PLEKHA8: variants seen among roughly 807,000 people sequenced by gnomAD.
The protein encoded by PLEKHA8 is pleckstrin homology domain containing A8.
A neutral mutation model predicts 68.2 loss-of-function variants in PLEKHA8; 36 were observed. The observed-to-expected ratio is 0.53, with a 90% CI of 0.40 to 0.70. The LOEUF (loss-of-function observed/expected upper bound fraction) is 0.70. Among genes scored for constraint, PLEKHA8 ranks in the 30% least tolerant of loss-of-function variants. The pLI, the probability that PLEKHA8 is intolerant of heterozygous loss-of-function variation, is 0.00. For synonymous variants in PLEKHA8, 211 were observed against 216.1 expected, an observed-to-expected ratio of 0.98 and a Z score of 0.20; for missense variants, 505 against 615.4, an observed-to-expected ratio of 0.82 and a Z score of 1.90.
intron 6 of PLEKHA8, 69 bp from the exon 7 acceptor site, chr7:30,052,640 C>CAAAAAAAAAAAA (rs75714651): frequency 2.4e-5 from 26 of 1,066,956 alleles, no homozygotes; most frequent in African/African-American, 1.5e-4. Flanking sequence ...GACCCTGTTT[C>CAAAAAAAAAAAA]AAAAAAAAAA....
At chr7:30,108,553 T>A (rs1193813418) in intron 13 of PLEKHA8, among the ~76,000 whole-genome samples, 1 of 152,206 alleles carries the variant, frequency 6.6e-6, no homozygotes, top group Non-Finnish European at 1.5e-5. Flanking sequence ...CAATTCAAGT[T>A]ATAAATCTAA....
chr7:30,102,602 A>T (rs1795892764), intron 13 of PLEKHA8, among the ~76,000 whole-genome samples: 1 of 152,264 alleles, frequency 6.6e-6, no homozygotes, highest in South Asian at 2.1e-4. Flanking sequence ...TAGGAAAGGA[A>T]TCAGGATCTG....
chr7:30,078,411 G>C (rs903678435), intron 13 of PLEKHA8, among the ~76,000 whole-genome samples, 179 bp from the exon 14 acceptor site: 1 of 152,128 alleles, frequency 6.6e-6, no homozygotes, highest in Admixed American at 6.5e-5. Flanking sequence ...ATTTGAATTG[G>C]CCCTTGAAAC....
intron 13 of PLEKHA8, among the ~76,000 whole-genome samples, chr7:30,122,884 G>A (rs187463021): frequency 6.6e-6 from 1 of 152,302 alleles, no homozygotes; most frequent in African/African-American, 2.4e-5. Flanking sequence ...GAGGAGGGGT[G>A]GGAGAGAGAG....
At position 30,060,949 on chromosome 7, in the gene PLEKHA8, A is replaced by G. The variant is rs766388815; in HGVS notation, c.1098+7A>G. 3.1e-6 allele frequency: 5 copies of G among 1,612,800 alleles called. No individual in the cohort carries two copies. Among genetic ancestry groups the G allele is most frequent in the Non-Finnish European group, 2.5e-6 (3 of 1,179,186 alleles). ...TCTTGTTGGAAATATTAAGGTGAGC[A>G]TACTGGTTTGTCTCTGTGGAAACTT... On this transcript the variant is annotated splice_region_variant and intron_variant, in intron 10 of 13. Transcript: ENST00000449726.
intron 12 of PLEKHA8, among the ~76,000 whole-genome samples, chr7:30,065,060 C>T (rs994579952): frequency 1.3e-5 from 2 of 152,148 alleles, no homozygotes; most frequent in African/African-American, 4.8e-5. Flanking sequence ...CTCCTTTTCT[C>T]CTCAAGGTTT....
intron 1 of PLEKHA8, among the ~76,000 whole-genome samples, chr7:30,029,559 A>G (rs967491481): frequency 6.6e-6 from 1 of 152,182 alleles, no homozygotes; most frequent in Non-Finnish European, 1.5e-5. Context: ...ATTATTCAGA[A>G]CGATCATTTT....
In PLEKHA8 at chr7:30,117,966, A is replaced by T. The variant is rs1475234802; in HGVS notation, c.1363-11300A>T. Reference sequence around the variant, plus strand: ...AAACTGAGACGTGGATTCATTTCTAACAGGGACACACAAATGTCTGATGGT... The same window carrying T: ...AAACTGAGACGTGGATTCATTTCTATCAGGGACACACAAATGTCTGATGGT... On this transcript the variant is annotated intron_variant, in intron 13 of 13. Transcript: ENST00000396257. The T allele has an allele frequency of 3.9e-6, 6 of 1,529,706 alleles. No individual in the cohort carries two copies. In the East Asian group the frequency reaches 1.5e-4, roughly 38 times the overall value. 94.8% of individuals were successfully genotyped at this position (1,529,706 alleles called of 1,614,324 possible).
At chr7:30,095,739 A>G (rs1268932072), downstream of PLEKHA8, among the ~76,000 whole-genome samples, 1 of 152,240 alleles carries the variant, frequency 6.6e-6, no homozygotes, top group South Asian at 2.1e-4. Flanking sequence ...AGCTTTCTAC[A>G]TATGGCTAGC....
At chr7:30,118,360 G>T in intron 13 of PLEKHA8, 1 of 203,312 alleles carries the variant, frequency 4.9e-6, no homozygotes, top group Non-Finnish European at 9.8e-6. Context: ...TGAGTTTGTG[G>T]CCTGTGAAAA....
At chr7:30,029,885 C>T (rs1053852766) in intron 1 of PLEKHA8, among the ~76,000 whole-genome samples, 8 of 152,134 alleles carry the variant, frequency 5.3e-5, no homozygotes, top group Admixed American at 1.3e-4. Context: ...CCAAAGGTGC[C>T]CCTATTGGGC....
At chr7:30,093,440 C>G (rs1375162873), downstream of PLEKHA8, among the ~76,000 whole-genome samples, 2 of 152,182 alleles carry the variant, frequency 1.3e-5, no homozygotes, top group Non-Finnish European at 2.9e-5. Context: ...GACAGCCTGC[C>G]TCTAAGCCCA....
At chr7:30,091,389 G>A (rs887383770), downstream of PLEKHA8, among the ~76,000 whole-genome samples, 5 of 151,954 alleles carry the variant, frequency 3.3e-5, no homozygotes, top group African/African-American at 1.2e-4. Context: ...GAGTGTGGTG[G>A]ACCCCCGGCA....
At position 30,108,067 on chromosome 7, in the gene PLEKHA8, CAA is replaced by C. The variant is rs796801365; in HGVS notation, c.1363-21175_1363-21174del. Among the ~76,000 whole-genome samples, 490 of 52,768 alleles carry C rather than the reference CAA, an allele frequency of 9.3e-3. 1 individual carries two copies. The highest frequency in any genetic ancestry group is 0.042 in the Middle Eastern group (4 of 96). 34.6% of individuals were successfully genotyped at this position (52,768 alleles called of 152,430 possible). On this transcript the variant is annotated intron_variant, in intron 13 of 13. Transcript: ENST00000396257. ...CTGGGCAAAAAGCAAAACTCCATCT[CAA>C]AAAAAAAAAAAAAAAAAAAAAAACC...
intron 13 of PLEKHA8, among the ~76,000 whole-genome samples, chr7:30,097,522 G>T (rs567252393): frequency 1.3e-5 from 2 of 152,100 alleles, no homozygotes; most frequent in African/African-American, 4.8e-5. Flanking sequence ...GGCTTTGTTC[G>T]TTTCTTTTTA....
intron 4 of PLEKHA8, among the ~76,000 whole-genome samples, chr7:30,048,206 C>T (rs570867780): frequency 7.9e-5 from 12 of 152,132 alleles, no homozygotes; most frequent in Non-Finnish European, 1.6e-4. Flanking sequence ...TCATCATATG[C>T]GTGTGTATAG....
chr7:30,108,067 C>CAAAAAAAAAAAAAAAAAAA lies in PLEKHA8; in HGVS notation c.1363-21192_1363-21174dup, dbSNP rs796801365. ...CTGGGCAAAAAGCAAAACTCCATCT[C>CAAAAAAAAAAAAAAAAAAA]AAAAAAAAAAAAAAAAAAAAAAAAA... On this transcript the variant is annotated intron_variant, in intron 13 of 13. Transcript: ENST00000396257. Among the ~76,000 whole-genome samples the CAAAAAAAAAAAAAAAAAAA allele has an allele frequency of 2.5e-4, 13 of 52,826 alleles. 1 individual carries two copies. The highest frequency in any genetic ancestry group is 8.8e-4 in the African/African-American group (12 of 13,654). The allele number at this position is 52,826 out of a possible 152,430, so 34.7% of individuals were successfully genotyped here.
In PLEKHA8 at chr7:30,115,711, TAC is replaced by T. The variant is rs1562557619; in HGVS notation, c.1363-13554_1363-13553del. On this transcript the variant is annotated intron_variant, in intron 13 of 13. Transcript: ENST00000396257. The stretch of plus-strand genomic sequence containing the variant: ...ATGCATACACGTATACATGTATACA[TAC>T]GCGCATGCATGCATACACGTATACA... 8.0e-4 allele frequency: 93 copies of T among 116,314 alleles called. 1 individual carries two copies. The highest frequency in any genetic ancestry group is 2.3e-3 in the Admixed American group (27 of 11,600). The allele number at this position is 116,314 out of a possible 1,614,324, so 7.2% of individuals were successfully genotyped here. A position where few individuals can be genotyped will look rare whatever the true frequency, so the allele number is the denominator to read the frequency against.
Position 30,083,404 on chromosome 7 carries a change from A to G in PLEKHA8, c.*4617A>G. 4 of 984,834 alleles carry G rather than the reference A, an allele frequency of 4.1e-6. No individual in the cohort carries two copies. The highest frequency in any genetic ancestry group is 4.8e-6 in the Non-Finnish European group (4 of 829,384). The allele number at this position is 984,834 out of a possible 1,614,324, so 61.0% of individuals were successfully genotyped here. Reference sequence around the variant, plus strand: ...CACAACGTCATTAGGAGTTCTTTCAACAATTCCATAAATATACTGTTTACT... The same window carrying G: ...CACAACGTCATTAGGAGTTCTTTCAGCAATTCCATAAATATACTGTTTACT... On this transcript the variant is annotated 3_prime_UTR_variant, in exon 14 of 14. Coordinates refer to ENST00000449726, the MANE Select transcript of PLEKHA8 (RefSeq NM_001197026.2).
Sources: gnomAD v4.1 joint callset for allele counts (sites outside exome capture counted in the v4.1 genomes callset) on GRCh38, gnomAD v4.1.1 for gene constraint, MANE v1.5 for transcripts, NCBI Gene and HGNC (gene_info 2026-07-23, HGNC 2026-07-21) for gene names.